NSG2: variants seen among roughly 807,000 people sequenced by gnomAD.
The protein encoded by NSG2 is neuronal vesicle trafficking associated 2.
A neutral mutation model predicts 16.9 loss-of-function variants in NSG2; 4 were observed. That is an observed-to-expected ratio of 0.24 (90% CI 0.12 to 0.54). The LOEUF (loss-of-function observed/expected upper bound fraction) is 0.54. Ranked by LOEUF, NSG2 falls within the 20% of genes least tolerant of loss-of-function variation. The pLI, the probability that NSG2 is intolerant of heterozygous loss-of-function variation, is 0.95. For synonymous variants in NSG2, 98 were observed against 88.7 expected (o/e 1.11, Z -0.59); for missense variants, 179 against 221.1 (o/e 0.81, Z 1.21).
chr5:174,050,873 C>A (rs1759877454), intron 2 of NSG2, among the ~76,000 whole-genome samples: 1 of 152,092 alleles, frequency 6.6e-6, no homozygotes. Flanking sequence ...TCACTGCCGC[C>A]AAGCCTCCAC....
chr5:174,058,496 A>C (rs1759999261), intron 2 of NSG2, among the ~76,000 whole-genome samples: 1 of 152,152 alleles, frequency 6.6e-6, no homozygotes, highest in African/African-American at 2.4e-5. Flanking sequence ...GAACATGCAG[A>C]GGGGGCTTGT....
intron 2 of NSG2, among the ~76,000 whole-genome samples, chr5:174,050,806 C>A (rs966263801): frequency 6.6e-6 from 1 of 152,066 alleles, no homozygotes; most frequent in Non-Finnish European, 1.5e-5. Context: ...GTGTTTGCCT[C>A]AGGGAAGAGC....
rs1761011048 is a variant in NSG2 at position 174,107,855 on chromosome 5, G to A, written c.*350G>A. 4.6e-6 allele frequency: 2 copies of A among 434,946 alleles called. No individual in the cohort carries two copies. The highest frequency in any genetic ancestry group is 9.0e-6 in the Non-Finnish European group (2 of 221,896). The allele number at this position is 434,946 out of a possible 1,614,324, so 26.9% of individuals were successfully genotyped here. A position where few individuals can be genotyped will look rare whatever the true frequency, so the allele number is the denominator to read the frequency against. On this transcript the variant is annotated 3_prime_UTR_variant, in exon 5 of 5. Coordinates refer to ENST00000303177, the MANE Select transcript of NSG2 (RefSeq NM_015980.5). The surrounding 1 kb of genome is among the most constrained non-coding windows in gnomAD (Gnocchi z 4.5). Reference sequence around the variant, plus strand: ...AAGAAACAAAGAACATGAACAAAAAGCATTAAACTGGCTCCATCAGAAGAC... The same window carrying A: ...AAGAAACAAAGAACATGAACAAAAAACATTAAACTGGCTCCATCAGAAGAC...
intron 3 of NSG2, among the ~76,000 whole-genome samples, chr5:174,103,968 A>C (rs908130762): frequency 6.6e-6 from 1 of 152,280 alleles, no homozygotes; most frequent in South Asian, 2.1e-4. Context: ...GTGAGACTCC[A>C]TCTCACAAAA....
At chr5:174,049,017 G>T (rs1163479129) in intron 2 of NSG2, among the ~76,000 whole-genome samples, 1 of 152,056 alleles carries the variant, frequency 6.6e-6, no homozygotes, top group African/African-American at 2.4e-5. Flanking sequence ...AGTTAGATGT[G>T]GCATTATACG....
chr5:174,097,595 C>A (rs1326547551), intron 3 of NSG2, among the ~76,000 whole-genome samples: 1 of 130,508 alleles, frequency 7.7e-6, no homozygotes, highest in East Asian at 2.3e-4. Context: ...GTGTGTGTAA[C>A]TGTGTGTGTG....
chr5:174,083,026 C>G (rs1760513561), intron 3 of NSG2, among the ~76,000 whole-genome samples: 1 of 152,232 alleles, frequency 6.6e-6, no homozygotes, highest in Admixed American at 6.5e-5. Flanking sequence ...CCATCCAAGA[C>G]TTGTCTTTCA....
At position 174,100,040 on chromosome 5, in the gene NSG2, C is replaced by G. The variant is rs527374027; in HGVS notation, c.214-4188C>G. On this transcript the variant is annotated intron_variant, in intron 3 of 4. Transcript: ENST00000303177. ...GATTGGCCTTCAGTTGCAGAAGTTA[C>G]CAAAATTCAGGACAGGGAGGCAAAC... Among the ~76,000 whole-genome samples the G allele has an allele frequency of 1.4e-3, 209 of 152,218 alleles. 1 individual carries two copies. The highest frequency in any genetic ancestry group is 2.3e-3 in the Non-Finnish European group (157 of 68,032).
intron 3 of NSG2, among the ~76,000 whole-genome samples, chr5:174,071,700 C>T (rs1244649745): frequency 5.9e-5 from 9 of 152,338 alleles, no homozygotes; most frequent in South Asian, 2.1e-4. Context: ...GGTCCCAGCA[C>T]GTCAGGCTGG....
chr5:174,064,982 G>A (rs1760115495), intron 3 of NSG2, among the ~76,000 whole-genome samples: 2 of 152,326 alleles, frequency 1.3e-5, no homozygotes, highest in Admixed American at 1.3e-4. Flanking sequence ...AGGCAGGAAG[G>A]AGGCTAGCCC....
chr5:174,080,525 T>TTCCCTCTTTCTTTCTC, intron 3 of NSG2, among the ~76,000 whole-genome samples: 2 of 125,290 alleles, frequency 1.6e-5, no homozygotes, highest in African/African-American at 6.3e-5. Flanking sequence ...CTTTCTTTCT[T>TTCCCTCTTTCTTTCTC]TCTCTCTCTC....
chr5:174,061,879 A>G (rs1403360593), intron 2 of NSG2, among the ~76,000 whole-genome samples: 2 of 148,284 alleles, frequency 1.3e-5, no homozygotes, highest in African/African-American at 5.0e-5. Context: ...CTGGGATTAC[A>G]GGCGGGAGCC....
chr5:174,071,993 C>T (rs745902783), intron 3 of NSG2, among the ~76,000 whole-genome samples: 2 of 152,204 alleles, frequency 1.3e-5, no homozygotes, highest in African/African-American at 2.4e-5. Flanking sequence ...CAACCCTGCT[C>T]ACGTTCCCTC....
chr5:174,087,249 A>T (rs1316150036), intron 3 of NSG2, among the ~76,000 whole-genome samples: 1 of 152,120 alleles, frequency 6.6e-6, no homozygotes, highest in East Asian at 1.9e-4. Flanking sequence ...TTGCGGATGG[A>T]GAGAACCGGT....
chr5:174,059,915 T>C (rs746849130), intron 2 of NSG2, among the ~76,000 whole-genome samples: 1 of 152,188 alleles, frequency 6.6e-6, no homozygotes, highest in Non-Finnish European at 1.5e-5. Context: ...TTGGTCCAAA[T>C]TGGGTAACAT....
At position 174,089,071 on chromosome 5, in the gene NSG2, G is replaced by A. The variant is rs557585870; in HGVS notation, c.214-15157G>A. Among the ~76,000 whole-genome samples, 12 of 152,300 alleles carry A rather than the reference G, an allele frequency of 7.9e-5. No individual in the cohort carries two copies. The South Asian group carries it at 2.3e-3, about 29-fold the overall frequency. Reference sequence around the variant, plus strand: ...CAGCCATGACCCCCATCTGCATACCGATACTGACAGGGATCAGAAAGGGGC... The same window carrying A: ...CAGCCATGACCCCCATCTGCATACCAATACTGACAGGGATCAGAAAGGGGC... On this transcript the variant is annotated intron_variant, in intron 3 of 4. Coordinates refer to ENST00000303177, the MANE Select transcript of NSG2 (RefSeq NM_015980.5).
rs544948571 is a variant in NSG2, at chr5:174,087,175, A to C, written c.214-17053A>C. Among the ~76,000 whole-genome samples the C allele has an allele frequency of 2.0e-5, 3 of 152,320 alleles. No individual in the cohort carries two copies. In the South Asian group the frequency reaches 6.2e-4, roughly 32 times the overall value. ...GGGGCCCTAGAGAATGGGCTTCTTT[A>C]ATGGGTTTTGGGGGGCTTCCATGGG... On this transcript the variant is annotated intron_variant, in intron 3 of 4. Transcript: ENST00000303177.
At chr5:174,051,366 A>G (rs575340839) in intron 2 of NSG2, among the ~76,000 whole-genome samples, 22 of 152,278 alleles carry the variant, frequency 1.4e-4, no homozygotes, top group Non-Finnish European at 2.9e-4. Flanking sequence ...CTCCATGAAC[A>G]TGCCATTCCT....
chr5:174,103,256 G>C (rs1760928510), intron 3 of NSG2, among the ~76,000 whole-genome samples: 1 of 152,118 alleles, frequency 6.6e-6, no homozygotes, highest in South Asian at 2.1e-4. Context: ...AAAGTGGTCA[G>C]ATTATGGGTG....
Sources: gnomAD v4.1 joint callset for allele counts (sites outside exome capture counted in the v4.1 genomes callset) on GRCh38, gnomAD v4.1.1 for gene constraint, Gnocchi (gnomAD v3.1) non-coding constraint, MANE v1.5 for transcripts, NCBI Gene and HGNC (gene_info 2026-07-23, HGNC 2026-07-21) for gene names.